JARID2: variants seen among roughly 807,000 people sequenced by gnomAD.
The protein encoded by JARID2 is protein Jumonji.
A neutral mutation model predicts 125.6 loss-of-function variants in JARID2; 21 were observed. The observed-to-expected ratio is 0.17, with a 90% CI of 0.12 to 0.24. The LOEUF is 0.24. Ranked by LOEUF, JARID2 falls within the 10% of genes least tolerant of loss-of-function variation. The pLI is 1.00. For missense variants in JARID2, 1,303 were observed against 1,639.6 expected, an observed-to-expected ratio of 0.79 and a Z score of 3.55; for synonymous variants, 736 against 661.6, an observed-to-expected ratio of 1.11 and a Z score of -1.73.
chr6:15,516,989 A>G (rs763413966), intron 16 of JARID2, among the ~76,000 whole-genome samples, 172 bp from the exon 17 acceptor site: 11 of 152,012 alleles, frequency 7.2e-5, no homozygotes, highest in Non-Finnish European at 1.2e-4. Context: ...GTTTTAGTCC[A>G]TTTCCAGCAT....
At chr6:15,306,221 T>A (rs950797454) in intron 1 of JARID2, among the ~76,000 whole-genome samples, 2 of 152,068 alleles carry the variant, frequency 1.3e-5, no homozygotes, top group African/African-American at 4.8e-5. Context: ...TCTCCTTTGG[T>A]GTCGAGTTCA....
At chr6:15,427,184 A>C (rs1174669109) in intron 3 of JARID2, among the ~76,000 whole-genome samples, 1 of 152,152 alleles carries the variant, frequency 6.6e-6, no homozygotes, top group African/African-American at 2.4e-5. Flanking sequence ...ATAAACCTGC[A>C]CCACACTCTG....
intron 5 of JARID2, among the ~76,000 whole-genome samples, chr6:15,472,198 C>T (rs573651823): frequency 2.8e-4 from 43 of 151,584 alleles, no homozygotes; most frequent in African/African-American, 9.0e-4. Flanking sequence ...GGGTAAGCAC[C>T]GACACACCCA....
Position 15,496,987 on chromosome 6 carries a change from A to G in JARID2, c.1762A>G (p.Arg588Gly). The change falls in exon 7 of 18, where the codon AGG (arginine) becomes GGG (glycine). Residue 588 changes from arginine to glycine, a missense_variant. Coordinates refer to ENST00000341776, the MANE Select transcript of JARID2 (RefSeq NM_004973.4). Reference sequence around the variant, plus strand: ...TCAGGTGGAGAAGTTCGGGATGTGCAGGGTGATCCCCCCTCCGGACTGGCG... The same window carrying G: ...TCAGGTGGAGAAGTTCGGGATGTGCGGGGTGATCCCCCCTCCGGACTGGCG... ...RAQVEKFGMC[R>G]VIPPPDWRPE... is the part of the protein sequence containing the mutation. 6.2e-7 allele frequency: 1 copy of G among 1,614,024 alleles called. No homozygotes were observed. Among genetic ancestry groups the G allele is most frequent in the Non-Finnish European group, 8.5e-7 (1 of 1,179,944 alleles).
At chr6:15,308,518 G>A (rs1367711056) in intron 1 of JARID2, among the ~76,000 whole-genome samples, 1 of 152,126 alleles carries the variant, frequency 6.6e-6, no homozygotes, top group African/African-American at 2.4e-5. Flanking sequence ...AACATTGATA[G>A]AAATCCAGAA....
intron 1 of JARID2, among the ~76,000 whole-genome samples, chr6:15,321,428 G>A (rs1424736559): frequency 1.3e-5 from 2 of 152,162 alleles, no homozygotes; most frequent in African/African-American, 4.8e-5. Context: ...GTTTGAGCAG[G>A]AAATATTTAA....
At chr6:15,302,173 T>C (rs1449608952) in intron 1 of JARID2, among the ~76,000 whole-genome samples, 1 of 152,118 alleles carries the variant, frequency 6.6e-6, no homozygotes, top group Non-Finnish European at 1.5e-5. Flanking sequence ...CCCAGCACTT[T>C]GGGAGGCCGA....
chr6:15,484,090 C>T (rs1465726259), intron 5 of JARID2, among the ~76,000 whole-genome samples: 2 of 152,200 alleles, frequency 1.3e-5, no homozygotes, highest in Non-Finnish European at 2.9e-5. Flanking sequence ...TCGACCCTAG[C>T]ACATCTCCTG....
intron 1 of JARID2, among the ~76,000 whole-genome samples, chr6:15,261,142 TGAA>T (rs1022012089): frequency 6.6e-6 from 1 of 152,188 alleles, no homozygotes; most frequent in Non-Finnish European, 1.5e-5. Context: ...TTAATACAAA[TGAA>T]GACCTTAATG....
intron 4 of JARID2, among the ~76,000 whole-genome samples, chr6:15,463,772 A>G (rs1350913319): frequency 1.3e-5 from 2 of 152,186 alleles, no homozygotes; most frequent in African/African-American, 4.8e-5. Context: ...CGAAGTTTCT[A>G]CCGACTCAGC....
intron 2 of JARID2, among the ~76,000 whole-genome samples, chr6:15,407,197 G>GGC (rs1765686171): frequency 6.6e-6 from 1 of 152,106 alleles, no homozygotes; most frequent in Non-Finnish European, 1.5e-5. Context: ...GAGCCCAGGA[G>GGC]GCTGAGGCTG....
At chr6:15,490,170 G>A (rs1284923832) in intron 6 of JARID2, among the ~76,000 whole-genome samples, 2 of 151,962 alleles carry the variant, frequency 1.3e-5, no homozygotes, top group Admixed American at 6.5e-5. Context: ...TGATACAAGT[G>A]ATTAGACTGT....
intron 1 of JARID2, among the ~76,000 whole-genome samples, chr6:15,316,348 T>TA (rs1005363457): frequency 5.3e-5 from 8 of 152,168 alleles, no homozygotes; most frequent in Non-Finnish European, 8.8e-5. Flanking sequence ...GTGTTGGCGT[T>TA]ACGGACATGA....
At chr6:15,275,313 C>T (rs1184523821) in intron 1 of JARID2, among the ~76,000 whole-genome samples, 1 of 152,008 alleles carries the variant, frequency 6.6e-6, no homozygotes, top group Non-Finnish European at 1.5e-5. Context: ...TTGGTGTTTC[C>T]TTTTTTACAA....
intron 6 of JARID2, among the ~76,000 whole-genome samples, chr6:15,495,083 G>GT (rs1246379003): frequency 6.6e-6 from 1 of 152,176 alleles, no homozygotes; most frequent in African/African-American, 2.4e-5. Context: ...AATGCCCAAG[G>GT]TGTTAAGTGA....
At chr6:15,359,185 G>GT (rs1763704927) in intron 1 of JARID2, among the ~76,000 whole-genome samples, 2 of 152,320 alleles carry the variant, frequency 1.3e-5, no homozygotes, top group African/African-American at 4.8e-5. Context: ...CAGTGTGTAG[G>GT]TATAGCAGCA....
intron 2 of JARID2, among the ~76,000 whole-genome samples, chr6:15,397,262 A>G (rs190484802): frequency 6.6e-6 from 1 of 152,318 alleles, no homozygotes; most frequent in Admixed American, 6.5e-5. Flanking sequence ...CCTATGTGAT[A>G]TGGTCAATAC....
At chr6:15,367,561 T>G (rs1358777506) in intron 1 of JARID2, among the ~76,000 whole-genome samples, 1 of 152,260 alleles carries the variant, frequency 6.6e-6, no homozygotes, top group Non-Finnish European at 1.5e-5. Flanking sequence ...TTCTGAGTTT[T>G]GAAATTTTAC....
intron 3 of JARID2, among the ~76,000 whole-genome samples, chr6:15,430,047 G>A (rs1205850297): frequency 6.6e-6 from 1 of 152,190 alleles, no homozygotes; most frequent in Non-Finnish European, 1.5e-5. Flanking sequence ...CTTGCATGAA[G>A]ATTCTCTGGT....
Sources: gnomAD v4.1 joint callset for allele counts (sites outside exome capture counted in the v4.1 genomes callset) on GRCh38, gnomAD v4.1.1 for gene constraint, MANE v1.5 for transcripts, NCBI Gene and HGNC (gene_info 2026-07-23, HGNC 2026-07-21) for gene names.